ENTREP2: variants seen among roughly 807,000 people sequenced by gnomAD.
ENTREP2 encodes the protein endosomal transmembrane epsin interactor 2.
the ENTREP2 span, among the ~76,000 whole-genome samples, chr15:29,152,846 T>A: frequency 1.3e-5 from 2 of 152,216 alleles, no homozygotes; most frequent in Non-Finnish European, 2.9e-5. Context: ...ATGTTTAGTT[T>A]TATTTTAAAA....
At chr15:29,492,354 A>AT in the ENTREP2 span, among the ~76,000 whole-genome samples, 3 of 152,240 alleles carry the variant, frequency 2.0e-5, no homozygotes, top group Non-Finnish European at 4.4e-5. Flanking sequence ...AAGTTCATAT[A>AT]TGCATAGTGG....
At chr15:29,366,807 T>G in the ENTREP2 span, among the ~76,000 whole-genome samples, 1 of 152,230 alleles carries the variant, frequency 6.6e-6, no homozygotes, top group Non-Finnish European at 1.5e-5. Context: ...CAAAAGCTAC[T>G]GTAGAAAAAC....
At chr15:29,518,428 C>T in the ENTREP2 span, among the ~76,000 whole-genome samples, 1 of 152,114 alleles carries the variant, frequency 6.6e-6, no homozygotes. Context: ...CAGTTAATGA[C>T]ATTTCTAAAA....
the ENTREP2 span, chr15:29,268,700 C>A: frequency 2.3e-6 from 3 of 1,329,560 alleles, no homozygotes; most frequent in South Asian, 1.5e-5. Flanking sequence ...CAGCAATATG[C>A]TCCCTGGGTT....
the ENTREP2 span, among the ~76,000 whole-genome samples, chr15:29,556,103 T>G: frequency 1.3e-5 from 2 of 151,938 alleles, no homozygotes; most frequent in Non-Finnish European, 2.9e-5. Context: ...AAATTAAAAT[T>G]AAAAAATTAG....
At chr15:29,571,004 C>T in the ENTREP2 span, among the ~76,000 whole-genome samples, 1 of 145,516 alleles carries the variant, frequency 6.9e-6, no homozygotes, top group African/African-American at 2.5e-5. Context: ...GCGCGCTCCC[C>T]GGCCCGAGCG....
At chr15:29,381,855 A>C in the ENTREP2 span, 2 of 1,550,722 alleles carry the variant, frequency 1.3e-6, no homozygotes. Flanking sequence ...AGATACAGGA[A>C]GGTGAGATGC....
the ENTREP2 span, among the ~76,000 whole-genome samples, chr15:29,605,044 G>A: frequency 3.9e-5 from 6 of 152,182 alleles, no homozygotes; most frequent in African/African-American, 1.4e-4. Flanking sequence ...GATAGATAAC[G>A]TTTAAACTGA....
the ENTREP2 span, among the ~76,000 whole-genome samples, chr15:29,425,199 G>GGTT: frequency 0.013 from 1,685 of 133,168 alleles, 33 homozygotes; most frequent in African/African-American, 0.046. Flanking sequence ...CAGGTTTTTT[G>GGTT]TTTTTTTTTT....
At chr15:29,443,711 A>G in the ENTREP2 span, among the ~76,000 whole-genome samples, 1 of 152,084 alleles carries the variant, frequency 6.6e-6, no homozygotes, top group Non-Finnish European at 1.5e-5. Context: ...GGTCTGAGAA[A>G]GAGCAAGCAG....
the ENTREP2 span, among the ~76,000 whole-genome samples, chr15:29,557,772 G>A: frequency 1.1e-4 from 16 of 152,276 alleles, no homozygotes; most frequent in South Asian, 1.9e-3. Flanking sequence ...GGAGGTGCCC[G>A]TTCTCCCCTT....
chr15:29,151,345 T>C, the ENTREP2 span, among the ~76,000 whole-genome samples: 12,393 of 152,182 alleles, frequency 0.081, 665 homozygotes, highest in East Asian at 0.16. Context: ...GGAAAAGAAC[T>C]GATCTTCTAA....
At chr15:29,352,871 C>G in the ENTREP2 span, among the ~76,000 whole-genome samples, 59 of 152,156 alleles carry the variant, frequency 3.9e-4, no homozygotes, top group Non-Finnish European at 7.3e-4. Flanking sequence ...TGCTTATCAC[C>G]TGATATTATT....
the ENTREP2 span, among the ~76,000 whole-genome samples, chr15:29,257,972 G>C: frequency 1.3e-5 from 2 of 152,038 alleles, no homozygotes; most frequent in Non-Finnish European, 2.9e-5. Context: ...AGCACTTTGG[G>C]AGGCTGAGGC....
At chr15:29,405,789 A>G in the ENTREP2 span, among the ~76,000 whole-genome samples, 1 of 152,194 alleles carries the variant, frequency 6.6e-6, no homozygotes, top group Middle Eastern at 3.2e-3. Context: ...CGGCACGCAC[A>G]AGGTTGGCCA....
the ENTREP2 span, among the ~76,000 whole-genome samples, chr15:29,631,808 C>T: frequency 1.3e-5 from 2 of 152,206 alleles, no homozygotes; most frequent in Non-Finnish European, 2.9e-5. Context: ...CAGCTGCCAA[C>T]AACTTGCTGC....
chr15:29,214,814 C>A, the ENTREP2 span, among the ~76,000 whole-genome samples: 1 of 151,986 alleles, frequency 6.6e-6, no homozygotes, highest in African/African-American at 2.4e-5. Context: ...GTGCTTGATA[C>A]AATTTTAATT....
the ENTREP2 span, among the ~76,000 whole-genome samples, chr15:29,571,138 C>T: frequency 1.3e-5 from 2 of 151,578 alleles, no homozygotes; most frequent in Admixed American, 1.3e-4. Context: ...ACCCGGGAGC[C>T]GGGAGAGGGG....
At chr15:29,171,781 A>G in the ENTREP2 span, among the ~76,000 whole-genome samples, 1 of 152,182 alleles carries the variant, frequency 6.6e-6, no homozygotes, top group African/African-American at 2.4e-5. Context: ...CCATACATGA[A>G]AAAAGAAAAA....
Sources: allele counts gnomAD v4.1 joint callset (sites outside exome capture counted in the v4.1 genomes callset), GRCh38; gene constraint gnomAD v4.1.1; transcripts MANE v1.5; gene names NCBI Gene and HGNC (gene_info 2026-07-23, HGNC 2026-07-21).